STXBP6: variants seen among roughly 807,000 people sequenced by gnomAD.
STXBP6 encodes syntaxin-binding protein 6.
A neutral mutation model predicts 26.9 loss-of-function variants in STXBP6; 21 were observed. That is an observed-to-expected ratio of 0.78 (90% CI 0.55 to 1.12). The LOEUF (loss-of-function observed/expected upper bound fraction) is 1.12. Ranked by LOEUF, STXBP6 falls within the 50% of genes most tolerant of loss-of-function variation. STXBP6 has a pLI of 0.00. For synonymous variants in STXBP6, 97 were observed against 92.6 expected (o/e 1.05, Z -0.27); for missense variants, 232 against 257.9 (o/e 0.90, Z 0.69).
intron 2 of STXBP6, among the ~76,000 whole-genome samples, chr14:24,914,406 A>G (rs531380015): frequency 4.1e-4 from 62 of 152,328 alleles, no homozygotes; most frequent in African/African-American, 1.4e-3. Context: ...TTTTTTAAAA[A>G]TGAATTTCAA....
At chr14:25,033,040 T>C (rs2075487934) in intron 1 of STXBP6, among the ~76,000 whole-genome samples, 2 of 152,228 alleles carry the variant, frequency 1.3e-5, no homozygotes, top group African/African-American at 4.8e-5. Flanking sequence ...CCTCCTGTTC[T>C]AATCCATCAA....
intron 2 of STXBP6, among the ~76,000 whole-genome samples, chr14:24,917,630 A>T (rs2071814500): frequency 6.6e-6 from 1 of 152,156 alleles, no homozygotes; most frequent in Non-Finnish European, 1.5e-5. Flanking sequence ...ACATAAATGT[A>T]AGGGCTAAAA....
chr14:24,893,797 T>C (rs2070877232), intron 2 of STXBP6, among the ~76,000 whole-genome samples: 1 of 152,216 alleles, frequency 6.6e-6, no homozygotes, highest in Non-Finnish European at 1.5e-5. Flanking sequence ...TTAGTAACTG[T>C]AAGATCACAA....
intron 1 of STXBP6, among the ~76,000 whole-genome samples, chr14:25,024,070 G>T (rs1026342058): frequency 6.6e-6 from 1 of 152,162 alleles, no homozygotes; most frequent in South Asian, 2.1e-4. Context: ...AGCACTTTGG[G>T]AGGCCGAGGT....
At chr14:24,924,184 G>A (rs868663327) in intron 2 of STXBP6, among the ~76,000 whole-genome samples, 6 of 152,174 alleles carry the variant, frequency 3.9e-5, no homozygotes, top group African/African-American at 1.2e-4. Flanking sequence ...TCATCCGTGT[G>A]GGGCATCTAT....
chr14:24,841,541 A>G (rs1594943498), intron 4 of STXBP6, among the ~76,000 whole-genome samples: 1 of 152,154 alleles, frequency 6.6e-6, no homozygotes, highest in Admixed American at 6.5e-5. Context: ...AAAAATTCCT[A>G]TGAGATGAAT....
chr14:24,922,283 T>C (rs2072007742), intron 2 of STXBP6, among the ~76,000 whole-genome samples: 1 of 151,976 alleles, frequency 6.6e-6, no homozygotes, highest in Non-Finnish European at 1.5e-5. Context: ...ATGAGAAAAC[T>C]GATGTTTAGA....
intron 2 of STXBP6, among the ~76,000 whole-genome samples, chr14:24,902,587 A>G (rs2071252041): frequency 6.6e-6 from 1 of 152,228 alleles, no homozygotes; most frequent in African/African-American, 2.4e-5. Context: ...CTGATGACTG[A>G]TTATCAAACA....
chr14:24,925,625 C>T (rs2072135253), intron 2 of STXBP6, among the ~76,000 whole-genome samples: 1 of 152,176 alleles, frequency 6.6e-6, no homozygotes. Context: ...TTCTCAACTC[C>T]ATAGGATTTT....
chr14:24,848,320 A>T (rs1205557324), intron 4 of STXBP6, among the ~76,000 whole-genome samples: 1 of 152,156 alleles, frequency 6.6e-6, no homozygotes, highest in Non-Finnish European at 1.5e-5. Context: ...GCTCAGATGA[A>T]GTTACACAGC....
chr14:24,933,427 TGAAACAGTATCCA>T (rs993832504), intron 2 of STXBP6, among the ~76,000 whole-genome samples: 1 of 152,048 alleles, frequency 6.6e-6, no homozygotes, highest in African/African-American at 2.4e-5. Context: ...ATTTAGGAAC[TGAAACAGTATCCA>T]GAGGTCGAAA....
rs1566415733 is a variant in STXBP6 at position 24,856,923 on chromosome 14, G to A, written c.285+104C>T. 3.0e-6 allele frequency: 4 copies of A among 1,351,358 alleles called. No homozygotes were observed. In the African/African-American group the frequency reaches 4.4e-5, roughly 15 times the overall value. The allele number at this position is 1,351,358 out of a possible 1,614,324, so 83.7% of individuals were successfully genotyped here. On this transcript the variant is annotated intron_variant, in intron 3 of 5. Coordinates refer to ENST00000323944, the MANE Select transcript of STXBP6 (RefSeq NM_001394410.1). The stretch of plus-strand genomic sequence containing the variant: ...ATCACATAATTGAAATAGAGAAATA[G>A]CCTTCTTAAGAATGATTCAAACCAC...
intron 2 of STXBP6, among the ~76,000 whole-genome samples, chr14:24,877,230 T>C (rs1456599418): frequency 6.6e-6 from 1 of 152,184 alleles, no homozygotes; most frequent in East Asian, 1.9e-4. Context: ...TTTATGATGG[T>C]CTGTACTCAA....
At chr14:25,018,428 A>C in intron 1 of STXBP6, among the ~76,000 whole-genome samples, 1 of 152,222 alleles carries the variant, frequency 6.6e-6, no homozygotes, top group African/African-American at 2.4e-5. Flanking sequence ...TACCAGAGGT[A>C]GAAGCCAACC....
intron 2 of STXBP6, among the ~76,000 whole-genome samples, chr14:24,945,139 A>ATTTGTTTTT (rs2072938006): frequency 9.9e-6 from 1 of 100,652 alleles, no homozygotes; most frequent in Non-Finnish European, 2.0e-5. Context: ...CCAATTAGGA[A>ATTTGTTTTT]TTTTTTTTTT....
intron 1 of STXBP6, among the ~76,000 whole-genome samples, chr14:25,035,829 G>A (rs2075540223): frequency 1.1e-4 from 17 of 152,182 alleles, no homozygotes; most frequent in Admixed American, 1.1e-3. Context: ...GATTATAGGT[G>A]TTAAAAATAA....
intron 2 of STXBP6, among the ~76,000 whole-genome samples, chr14:24,951,047 C>T (rs559361439): frequency 5.3e-5 from 8 of 152,086 alleles, no homozygotes; most frequent in Non-Finnish European, 8.8e-5. Context: ...GCTTCATCCA[C>T]GTCCCTGCAA....
intron 2 of STXBP6, among the ~76,000 whole-genome samples, chr14:24,968,673 C>A (rs1373695672): frequency 2.0e-5 from 3 of 152,030 alleles, no homozygotes; most frequent in Non-Finnish European, 4.4e-5. Context: ...GGGTTCAGAT[C>A]CCTAGAATCT....
chr14:24,823,012 T>C (rs902280368), intron 4 of STXBP6, among the ~76,000 whole-genome samples: 2 of 152,244 alleles, frequency 1.3e-5, no homozygotes, highest in African/African-American at 2.4e-5. Flanking sequence ...TCTAAATAGA[T>C]AGGAAGCATA....
Sources: allele counts gnomAD v4.1 joint callset (sites outside exome capture counted in the v4.1 genomes callset), GRCh38; gene constraint gnomAD v4.1.1; transcripts MANE v1.5; gene names NCBI Gene and HGNC (gene_info 2026-07-23, HGNC 2026-07-21).